The following ENOX1 variants were observed in gnomAD, a reference collection of about 807,000 sequenced individuals.
ENOX1 encodes candidate growth-related and time keeping constitutive hydroquinone (NADH) oxidase.
A neutral mutation model predicts 82.5 loss-of-function variants in ENOX1; 42 were observed. That is an observed-to-expected ratio of 0.51 (90% CI 0.40 to 0.66). The LOEUF (loss-of-function observed/expected upper bound fraction) is 0.66. Ranked by LOEUF, ENOX1 falls within the 30% of genes least tolerant of loss-of-function variation. ENOX1 has a pLI of 0.00. For missense variants in ENOX1, 608 were observed against 811.6 expected (o/e 0.75, Z 3.05); for synonymous variants, 271 against 282.2 (o/e 0.96, Z 0.40).
At chr13:43,616,452 TC>T (rs1311881860) in intron 2 of ENOX1, among the ~76,000 whole-genome samples, 2 of 11,410 alleles carry the variant, frequency 1.8e-4, no homozygotes, top group East Asian at 0.11. Context: ...TCCTCCCGCC[TC>T]AGCCTCCCAA....
chr13:43,605,291 C>T (rs752421077), intron 2 of ENOX1, among the ~76,000 whole-genome samples: 3 of 151,806 alleles, frequency 2.0e-5, no homozygotes, highest in Admixed American at 6.6e-5. Context: ...ACATTCTTCA[C>T]AAAAATAGGA....
intron 2 of ENOX1, among the ~76,000 whole-genome samples, chr13:43,625,047 C>T (rs1309632344): frequency 6.6e-6 from 1 of 151,988 alleles, no homozygotes; most frequent in East Asian, 1.9e-4. Context: ...TTATTTCTTT[C>T]ATCAGTATTG....
intron 3 of ENOX1, among the ~76,000 whole-genome samples, chr13:43,455,379 T>C (rs1026116948): frequency 6.6e-6 from 1 of 152,240 alleles, no homozygotes; most frequent in Non-Finnish European, 1.5e-5. Context: ...CCTGGTATTC[T>C]GAAGTCTTAG....
At chr13:43,405,475 G>C (rs2053739270) in intron 5 of ENOX1, among the ~76,000 whole-genome samples, 1 of 152,074 alleles carries the variant, frequency 6.6e-6, no homozygotes, top group African/African-American at 2.4e-5. Context: ...TCTTTCAACA[G>C]GTTCCTCAAA....
chr13:43,471,522 G>A (rs1021635105), intron 3 of ENOX1, among the ~76,000 whole-genome samples: 2 of 152,064 alleles, frequency 1.3e-5, no homozygotes, highest in Admixed American at 1.3e-4. Flanking sequence ...GCTTTGAAAT[G>A]TGTCCAAGCC....
intron 2 of ENOX1, among the ~76,000 whole-genome samples, chr13:43,598,590 TCTCTGCA>T (rs142294330): frequency 0.012 from 1,876 of 152,272 alleles, 33 homozygotes; most frequent in African/African-American, 0.043. Flanking sequence ...TGCCCTCCAG[TCTCTGCA>T]CATGCCTCTA....
chr13:43,724,610 G>A (rs1347815606), intron 1 of ENOX1, among the ~76,000 whole-genome samples: 9 of 152,212 alleles, frequency 5.9e-5, no homozygotes. Context: ...ATCCATAAGT[G>A]TAGATTAAAC....
Position 43,428,237 on chromosome 13 carries a change from GAAT to G in ENOX1, c.-74-15252_-74-15250del, listed in dbSNP as rs1482704338. ...AGGCACATTTTTCTTAAATAAGTCA[GAAT>G]AATAATTGTGTACTTAGAGAAAGAG... On this transcript the variant is annotated intron_variant, in intron 3 of 16. Coordinates refer to ENST00000690772, the MANE Select transcript of ENOX1 (RefSeq NM_001347969.2). Among the ~76,000 whole-genome samples the G allele has an allele frequency of 2.0e-5, 3 of 152,118 alleles. No homozygotes were observed. In the East Asian group the frequency reaches 5.8e-4, roughly 29 times the overall value.
At chr13:43,403,255 A>G (rs1022242716) in intron 5 of ENOX1, among the ~76,000 whole-genome samples, 1 of 152,124 alleles carries the variant, frequency 6.6e-6, no homozygotes, top group East Asian at 1.9e-4. Flanking sequence ...TATTTGTTGT[A>G]GTATACATAG....
At chr13:43,666,458 T>A (rs2084982984) in intron 2 of ENOX1, among the ~76,000 whole-genome samples, 1 of 152,156 alleles carries the variant, frequency 6.6e-6, no homozygotes, top group Non-Finnish European at 1.5e-5. Context: ...AAAGGAAACC[T>A]GGACATAGAC....
intron 3 of ENOX1, among the ~76,000 whole-genome samples, chr13:43,417,061 C>T (rs1284822412): frequency 6.6e-6 from 1 of 152,146 alleles, no homozygotes; most frequent in Non-Finnish European, 1.5e-5. Flanking sequence ...ATACAAAAAC[C>T]AGTCAGGCGT....
At chr13:43,707,493 T>C (rs1288779818) in intron 1 of ENOX1, among the ~76,000 whole-genome samples, 1 of 152,062 alleles carries the variant, frequency 6.6e-6, no homozygotes, top group Non-Finnish European at 1.5e-5. Flanking sequence ...CCCAGCACTT[T>C]GGGAGGCCAA....
At chr13:43,615,486 T>C (rs2082368221) in intron 2 of ENOX1, among the ~76,000 whole-genome samples, 1 of 152,184 alleles carries the variant, frequency 6.6e-6, no homozygotes, top group Non-Finnish European at 1.5e-5. Flanking sequence ...TTCAAAATTT[T>C]GTTCTCTCTT....
chr13:43,574,969 C>A (rs139223055), intron 2 of ENOX1, among the ~76,000 whole-genome samples: 79 of 152,230 alleles, frequency 5.2e-4, no homozygotes, highest in African/African-American at 1.9e-3. Context: ...AAAAGCAGTG[C>A]GCCTGGGGAG....
intron 3 of ENOX1, among the ~76,000 whole-genome samples, chr13:43,479,759 T>C (rs187604727): frequency 6.6e-6 from 1 of 152,070 alleles, no homozygotes; most frequent in Admixed American, 6.6e-5. Flanking sequence ...TTCTGCCCAT[T>C]TGGGCACTGT....
chr13:43,268,778 C>T (rs1023821432), intron 13 of ENOX1, among the ~76,000 whole-genome samples: 5 of 152,204 alleles, frequency 3.3e-5, no homozygotes. Flanking sequence ...ACCATTCATA[C>T]ATTGTTGGCA....
chr13:43,516,800 A>G (rs1260152513), intron 2 of ENOX1, among the ~76,000 whole-genome samples: 8 of 152,174 alleles, frequency 5.3e-5, no homozygotes, highest in Non-Finnish European at 1.2e-4. Context: ...CAGGGTTGTA[A>G]ATTAAATTCC....
chr13:43,384,579 T>C (rs1277464550), intron 5 of ENOX1, among the ~76,000 whole-genome samples: 1 of 152,226 alleles, frequency 6.6e-6, no homozygotes, highest in East Asian at 1.9e-4. Context: ...GAGACAAACA[T>C]TTCTGAATAG....
chr13:43,694,099 C>T (rs931801775), intron 1 of ENOX1, among the ~76,000 whole-genome samples: 8 of 151,998 alleles, frequency 5.3e-5, no homozygotes, highest in African/African-American at 1.7e-4. Flanking sequence ...ATTCCCTTTG[C>T]TAATTGAGAA....
Sources: allele counts gnomAD v4.1 joint callset (sites outside exome capture counted in the v4.1 genomes callset), GRCh38; gene constraint gnomAD v4.1.1; transcripts MANE v1.5; gene names NCBI Gene and HGNC (gene_info 2026-07-23, HGNC 2026-07-21).